The following RALGPS1 variants were observed in gnomAD, a reference collection of about 807,000 sequenced individuals.
RALGPS1 encodes Ral GEF with PH domain and SH3 binding motif 1, also known as ras-specific guanine nucleotide-releasing factor RalGPS1.
In RALGPS1, 19 loss-of-function variants were observed where a neutral mutation model predicts 78.8. The observed-to-expected ratio is 0.24, with a 90% CI of 0.17 to 0.35. RALGPS1 has a LOEUF of 0.35. Ranked by LOEUF, RALGPS1 falls within the 10% of genes least tolerant of loss-of-function variation. The probability of loss-of-function intolerance (pLI) is 1.00; values close to 1 mark genes in which losing one functional copy is unlikely to be tolerated. For synonymous variants in RALGPS1, 228 were observed against 256.3 expected (o/e 0.89, Z 1.06); for missense variants, 454 against 688.3 (o/e 0.66, Z 3.81).
At chr9:127,082,665 C>T (rs1028303563) in intron 8 of RALGPS1, among the ~76,000 whole-genome samples, 3 of 152,206 alleles carry the variant, frequency 2.0e-5, no homozygotes, top group African/African-American at 7.2e-5. Context: ...TGTCAGGCTG[C>T]ATGCACTTGG....
intron 8 of RALGPS1, chr9:127,079,915 A>T (rs772837476): frequency 1.2e-4 from 19 of 152,236 alleles, no homozygotes; most frequent in African/African-American, 4.6e-4. Flanking sequence ...CACAACCTTT[A>T]TCACTACTCC....
chr9:127,174,272 A>T (rs927960650), intron 10 of RALGPS1, among the ~76,000 whole-genome samples: 1 of 147,142 alleles, frequency 6.8e-6, no homozygotes, highest in Admixed American at 6.6e-5. Context: ...AAAAAGAGAG[A>T]GAGAGAAAGA....
intron 1 of RALGPS1, among the ~76,000 whole-genome samples, chr9:126,925,873 G>A (rs1201837366): frequency 3.9e-5 from 6 of 152,190 alleles, no homozygotes; most frequent in Admixed American, 2.0e-4. Flanking sequence ...GTGGAGAGGT[G>A]GCAGTTGCAT....
At chr9:127,108,235 G>A (rs773067095) in intron 8 of RALGPS1, 1 of 1,613,968 alleles carries the variant, frequency 6.2e-7, no homozygotes, top group African/African-American at 1.3e-5. Flanking sequence ...CATGTCGGCT[G>A]TCTGGTTCAG....
chr9:127,188,191 A>C (rs927202408), intron 11 of RALGPS1, among the ~76,000 whole-genome samples: 1 of 150,432 alleles, frequency 6.6e-6, no homozygotes, highest in Non-Finnish European at 1.5e-5. Flanking sequence ...CCTCCTGAGT[A>C]GCTGGGACTA....
intron 8 of RALGPS1, among the ~76,000 whole-genome samples, chr9:127,120,688 C>T (rs751854533): frequency 9.2e-5 from 14 of 152,070 alleles, no homozygotes; most frequent in African/African-American, 2.9e-4. Flanking sequence ...ATTAGCTGGG[C>T]GTGGTGGTGG....
chr9:127,060,428 C>A lies in RALGPS1; in HGVS notation c.483+7489C>A, dbSNP rs182038904. Among the ~76,000 whole-genome samples the A allele has an allele frequency of 3.4e-3, 524 of 152,252 alleles. 4 individuals are homozygous for A. Among genetic ancestry groups the A allele is most frequent in the Non-Finnish European group, 4.9e-3 (333 of 68,018 alleles). On this transcript the variant is annotated intron_variant, in intron 7 of 18. Transcript: ENST00000259351. Reference sequence around the variant, plus strand: ...GGTTGAGCCCTGGGCTTACCTCTTACAATGAGGATTAAATGAGTAAATACA... The same window carrying A: ...GGTTGAGCCCTGGGCTTACCTCTTAAAATGAGGATTAAATGAGTAAATACA...
Position 127,212,767 on chromosome 9 carries a change from A to C in RALGPS1, c.1446+48A>C. The C allele has an allele frequency of 6.5e-7, 1 of 1,549,550 alleles. No individual in the cohort carries two copies. Among genetic ancestry groups the C allele is most frequent in the Non-Finnish European group, 8.9e-7 (1 of 1,127,580 alleles). Reference sequence around the variant, plus strand: ...AGTGCTGGGACTTCCTCTAGTGGGGAAGGGACCTCTGTGAACTGTGGAGGA... The same window carrying C: ...AGTGCTGGGACTTCCTCTAGTGGGGCAGGGACCTCTGTGAACTGTGGAGGA... On this transcript the variant is annotated intron_variant, in intron 16 of 18. Coordinates refer to ENST00000259351, the MANE Select transcript of RALGPS1 (RefSeq NM_014636.3). The surrounding 1 kb of genome is among the most constrained non-coding windows in gnomAD (Gnocchi z 6.0).
intron 1 of RALGPS1, among the ~76,000 whole-genome samples, chr9:126,954,669 C>A (rs574126536): frequency 6.6e-5 from 10 of 152,224 alleles, no homozygotes; most frequent in African/African-American, 2.4e-4. Flanking sequence ...CACCTATAAT[C>A]CCAGCGCCTG....
intron 8 of RALGPS1, among the ~76,000 whole-genome samples, chr9:127,149,979 T>A (rs2058327014): frequency 6.6e-6 from 1 of 152,132 alleles, no homozygotes; most frequent in Admixed American, 6.5e-5. Flanking sequence ...AAGGCCAGGA[T>A]GGGAAGGGAA....
chr9:126,958,126 T>TAAAAAAAAAAA (rs11290290), intron 1 of RALGPS1, among the ~76,000 whole-genome samples: 71 of 77,532 alleles, frequency 9.2e-4, no homozygotes, highest in East Asian at 1.3e-3. Flanking sequence ...GCTGTCTCTT[T>TAAAAAAAAAAA]AAAAAAAAAA....
At chr9:127,143,036 G>T (rs1186008009) in intron 8 of RALGPS1, among the ~76,000 whole-genome samples, 1 of 152,090 alleles carries the variant, frequency 6.6e-6, no homozygotes, top group Non-Finnish European at 1.5e-5. Flanking sequence ...GTACTTTGTG[G>T]TTCTGTATTT....
chr9:126,962,768 G>T (rs2039024165), intron 2 of RALGPS1, among the ~76,000 whole-genome samples: 1 of 152,248 alleles, frequency 6.6e-6, no homozygotes, highest in Non-Finnish European at 1.5e-5. Flanking sequence ...CTGGTGGTCT[G>T]CAGTGGCCTG....
At chr9:127,092,066 G>T (rs2052551323) in intron 8 of RALGPS1, 47 of 1,138,658 alleles carry the variant, frequency 4.1e-5, no homozygotes, top group Non-Finnish European at 5.8e-5. Flanking sequence ...AGCAGACCTG[G>T]TTCAGACCCC....
intron 11 of RALGPS1, among the ~76,000 whole-genome samples, chr9:127,191,822 C>T (rs12347471): frequency 0.047 from 7,104 of 151,658 alleles, 257 homozygotes; most frequent in East Asian, 0.14. Context: ...CTCAGCCTCC[C>T]GAGTAGCTGG....
intron 8 of RALGPS1, among the ~76,000 whole-genome samples, chr9:127,104,280 C>G (rs989476199): frequency 3.3e-5 from 5 of 152,224 alleles, no homozygotes; most frequent in Non-Finnish European, 2.9e-5. Flanking sequence ...TCCTTTCCTC[C>G]CTGATCAGTC....
chr9:127,075,722 C>G (rs2050615264), intron 8 of RALGPS1, among the ~76,000 whole-genome samples: 2 of 152,234 alleles, frequency 1.3e-5, no homozygotes, highest in African/African-American at 4.8e-5. Context: ...TTTGTTACTT[C>G]TGTTGCTTGA....
Position 127,223,085 on chromosome 9 carries a change from GATA to G in RALGPS1, c.*4322_*4324del, listed in dbSNP as rs778192041. 2.0e-5 allele frequency: 3 copies of G among 152,596 alleles called. No individual in the cohort carries two copies. The highest frequency in any genetic ancestry group is 2.1e-4 in the South Asian group (1 of 4,828). 9.5% of individuals were successfully genotyped at this position (152,596 alleles called of 1,614,324 possible). A position where few individuals can be genotyped will look rare whatever the true frequency, so the allele number is the denominator to read the frequency against. The stretch of plus-strand genomic sequence containing the variant: ...GCTGTATTTTTCAGCTTGTTACATT[GATA>G]ATAATTATTTCACTAATTAAATACT... On this transcript the variant is annotated 3_prime_UTR_variant, in exon 19 of 19. Transcript: ENST00000259351.
intron 11 of RALGPS1, among the ~76,000 whole-genome samples, chr9:127,176,318 C>T (rs2059871083): frequency 6.6e-6 from 1 of 152,216 alleles, no homozygotes. Context: ...GGTCTTGTCT[C>T]TACTTTGTCA....
Sources: gnomAD v4.1 joint callset for allele counts (sites outside exome capture counted in the v4.1 genomes callset) on GRCh38, gnomAD v4.1.1 for gene constraint, Gnocchi (gnomAD v3.1) non-coding constraint, MANE v1.5 for transcripts, NCBI Gene and HGNC (gene_info 2026-07-23, HGNC 2026-07-21) for gene names.